The following OLFML2B variants were observed in gnomAD, a reference collection of about 807,000 sequenced individuals.
OLFML2B encodes olfactomedin like 2B.
In OLFML2B, 57 loss-of-function variants were observed where a neutral mutation model predicts 74.9. The ratio of observed to expected loss-of-function variants is 0.76; its 90% CI spans 0.61 to 0.95. The LOEUF (loss-of-function observed/expected upper bound fraction) is 0.95, where lower values mean the gene tolerates loss of function less well. Among genes scored for constraint, OLFML2B ranks in the 40% least tolerant of loss-of-function variants. The pLI is 0.00. For missense variants in OLFML2B, 986 were observed against 970.6 expected (o/e 1.02, Z -0.21); for synonymous variants, 388 against 405.8 (o/e 0.96, Z 0.53).
At chr1:161,992,670 G>GA (rs1438547478) in intron 6 of OLFML2B, among the ~76,000 whole-genome samples, 2 of 152,180 alleles carry the variant, frequency 1.3e-5, no homozygotes, top group African/African-American at 4.8e-5. Flanking sequence ...ACAGAACAGG[G>GA]AGGCCCAAGG....
intron 5 of OLFML2B, among the ~76,000 whole-genome samples, chr1:161,999,521 T>C (rs1454142914): frequency 6.6e-6 from 1 of 151,758 alleles, no homozygotes; most frequent in Non-Finnish European, 1.5e-5. Flanking sequence ...CGCTCAGACA[T>C]ACTGGGGAGA....
Position 161,984,854 on chromosome 1 carries a change from T to A in OLFML2B, c.1601A>T (p.Tyr534Phe). ...KDERIYVTNY[Y>F]YGNTLVEFRN... ...GAACTCTACCAGGGTGTTGCCGTAG[T>A]AATAGTTGGTTACGTAAATCCGCTC... Residue 534 changes from tyrosine (Y) to phenylalanine (F), a missense_variant, in exon 7 of 8, where the codon TAC (tyrosine) becomes TTC (phenylalanine). By Grantham distance (22) the Tyr-to-Phe change is conservative (BLOSUM62 3). Coordinates refer to ENST00000294794, the MANE Select transcript of OLFML2B (RefSeq NM_015441.3). 1 of 1,613,430 alleles carries A rather than the reference T, an allele frequency of 6.2e-7. No individual in the cohort carries two copies.
intron 2 of OLFML2B, 79 bp from the exon 3 acceptor site, chr1:162,017,586 T>G: frequency 9.8e-7 from 1 of 1,025,244 alleles, no homozygotes; most frequent in East Asian, 2.6e-5. Flanking sequence ...ATCTGCATAC[T>G]GGGGGCTCGA....
intron 2 of OLFML2B, 26 bp from the exon 3 acceptor site, chr1:162,017,533 C>T (rs1690577265): frequency 6.4e-7 from 1 of 1,563,252 alleles, no homozygotes; most frequent in South Asian, 1.1e-5. Flanking sequence ...AGGGGTTAGT[C>T]CAGGGCTGGG....
intron 1 of OLFML2B, among the ~76,000 whole-genome samples, chr1:162,021,971 T>C (rs1445967537): frequency 2.0e-5 from 3 of 152,126 alleles, no homozygotes; most frequent in South Asian, 2.1e-4. Flanking sequence ...AGGAGGCTAG[T>C]GTTTGATAAA....
At chr1:161,985,032 C>A in intron 6 of OLFML2B, 52 bp from the exon 7 acceptor site, 1 of 1,528,752 alleles carries the variant, frequency 6.5e-7, no homozygotes, top group Non-Finnish European at 8.8e-7. Context: ...TGATGCCTCA[C>A]CCCTTAAACC....
chr1:162,021,537 CTTGT>C (rs1246565474), intron 1 of OLFML2B, among the ~76,000 whole-genome samples: 1 of 152,218 alleles, frequency 6.6e-6, no homozygotes, highest in Non-Finnish European at 1.5e-5. Context: ...AAGCATTGAG[CTTGT>C]TTGAGTAGAA....
intron 6 of OLFML2B, among the ~76,000 whole-genome samples, chr1:161,985,720 C>T (rs1055546228): frequency 6.6e-6 from 1 of 152,196 alleles, no homozygotes; most frequent in African/African-American, 2.4e-5. Context: ...GCCTAAGCCC[C>T]TGTCACTACT....
intron 6 of OLFML2B, among the ~76,000 whole-genome samples, chr1:161,996,249 G>A (rs1036388818): frequency 1.4e-4 from 21 of 152,126 alleles, no homozygotes; most frequent in African/African-American, 4.8e-4. Flanking sequence ...ACACCATAAG[G>A]AGAGAGAGAC....
chr1:162,009,486 C>G (rs2101971474), intron 3 of OLFML2B, among the ~76,000 whole-genome samples: 1 of 152,312 alleles, frequency 6.6e-6, no homozygotes, highest in Non-Finnish European at 1.5e-5. Flanking sequence ...TTCTAGGGCC[C>G]TAGGGAGTCC....
chr1:161,985,144 C>T (rs1212891338), intron 6 of OLFML2B, 164 bp from the exon 7 acceptor site: 1 of 617,300 alleles, frequency 1.6e-6, no homozygotes, highest in East Asian at 2.9e-5. Flanking sequence ...TGCTACTCCC[C>T]TGATCCACCC....
rs1293217238 is a variant in OLFML2B at position 161,984,280 on chromosome 1, C to T, written c.1652-4G>A. On this transcript the variant is annotated splice_polypyrimidine_tract_variant and splice_region_variant and intron_variant, in intron 7 of 7. Transcript: ENST00000294794. ...TTGTAGGAATTGCTCCAGCGACCTGCAGGTGGGGAGAAAACAGGAGGCTTC... is the reference window on the plus strand; with the variant it reads ...TTGTAGGAATTGCTCCAGCGACCTGTAGGTGGGGAGAAAACAGGAGGCTTC... 1 of 1,517,764 alleles carries T rather than the reference C, an allele frequency of 6.6e-7. No individual in the cohort carries two copies. The highest frequency in any genetic ancestry group is 1.4e-5 in the African/African-American group (1 of 71,854). 94.0% of individuals were successfully genotyped at this position (1,517,764 alleles called of 1,614,324 possible). A position where few individuals can be genotyped will look rare whatever the true frequency, so the allele number is the denominator to read the frequency against.
chr1:161,997,755 C>G, intron 6 of OLFML2B, 70 bp downstream of exon 6: 1 of 1,506,170 alleles, frequency 6.6e-7, no homozygotes, highest in Non-Finnish European at 9.0e-7. Context: ...CCTCTCCTCT[C>G]AAGATATTTC....
intron 6 of OLFML2B, among the ~76,000 whole-genome samples, chr1:161,986,535 G>A (rs1571281658): frequency 1.3e-5 from 2 of 152,200 alleles, no homozygotes; most frequent in Non-Finnish European, 2.9e-5. Context: ...CTGGTCTGAC[G>A]GAGCGGGGAG....
At chr1:162,002,594 G>A (rs1436008831) in intron 4 of OLFML2B, among the ~76,000 whole-genome samples, 1 of 152,164 alleles carries the variant, frequency 6.6e-6, no homozygotes, top group Non-Finnish European at 1.5e-5. Context: ...TTACCCCCAA[G>A]GACACCCCCA....
chr1:162,000,727 C>T (rs1368079789), intron 4 of OLFML2B, among the ~76,000 whole-genome samples: 1 of 152,090 alleles, frequency 6.6e-6, no homozygotes, highest in African/African-American at 2.4e-5. Flanking sequence ...CCTAGGGATG[C>T]TGGGTGACTT....
Position 161,984,288 on chromosome 1 carries a change from G to A in OLFML2B, c.1652-12C>T. The A allele has an allele frequency of 1.3e-6, 2 of 1,516,930 alleles. No homozygotes were observed. Among genetic ancestry groups the A allele is most frequent in the Non-Finnish European group, 1.8e-6 (2 of 1,133,616 alleles). 94.0% of individuals were successfully genotyped at this position (1,516,930 alleles called of 1,614,324 possible). ...ATTGCTCCAGCGACCTGCAGGTGGG[G>A]AGAAAACAGGAGGCTTCAGAGTGGC... On this transcript the variant is annotated splice_polypyrimidine_tract_variant and intron_variant, in intron 7 of 7. Coordinates refer to ENST00000294794, the MANE Select transcript of OLFML2B (RefSeq NM_015441.3).
At chr1:161,986,990 C>A (rs1689609921) in intron 6 of OLFML2B, among the ~76,000 whole-genome samples, 1 of 152,222 alleles carries the variant, frequency 6.6e-6, no homozygotes, top group Admixed American at 6.5e-5. Flanking sequence ...GCAGCTCCAG[C>A]AGCCCTGAAA....
chr1:161,983,937 C>T lies in OLFML2B; in HGVS notation c.1991G>A (p.Trp664Ter). The change falls in exon 8 of 8, where the codon TGG becomes TAG. Residue 664 changes from tryptophan (W) to a stop codon, truncating the protein, a stop_gained. Transcript: ENST00000294794. LOFTEE classifies it high-confidence loss of function. ...ADLSTQKETTWRTGLRRNFYG... is the reference protein window; with the variant it reads ...ADLSTQKETT ...GAAATTCCTCCGGAGCCCCGTGCGC[C>T]ATGTGGTCTCCTTCTGTGTGCTCAG... 1 of 1,614,230 alleles carries T rather than the reference C, an allele frequency of 6.2e-7. No homozygotes were observed. The highest frequency in any genetic ancestry group is 2.2e-5 in the East Asian group (1 of 44,874).
Sources: allele counts gnomAD v4.1 joint callset (sites outside exome capture counted in the v4.1 genomes callset), GRCh38; gene constraint gnomAD v4.1.1; transcripts MANE v1.5; gene names NCBI Gene and HGNC (gene_info 2026-07-23, HGNC 2026-07-21).